GTF2H4: variants seen among roughly 807,000 people sequenced by gnomAD.
The protein encoded by GTF2H4 is general transcription factor IIH subunit 4.
Under a neutral mutation model 62.2 loss-of-function variants are expected in GTF2H4, and 49 were observed. That is an observed-to-expected ratio of 0.79 (90% CI 0.63 to 1.00). The LOEUF is 1.00. Ranked by LOEUF, GTF2H4 falls within the 50% of genes least tolerant of loss-of-function variation. The pLI is 0.00. For synonymous variants in GTF2H4, 189 were observed against 233.8 expected (o/e 0.81, Z 1.75); for missense variants, 479 against 587.8 (o/e 0.81, Z 1.91).
rs746814066 is a variant in GTF2H4, at chr6:30,910,717, C to T, written c.427C>T (p.Arg143Trp). 11 of 1,612,826 alleles carry T rather than the reference C, an allele frequency of 6.8e-6. No homozygotes were observed. In the African/African-American group the frequency reaches 1.1e-4, roughly 16 times the overall value. The change falls in exon 5 of 14, where the codon CGG becomes TGG. Residue 143 changes from arginine to tryptophan, a missense_variant. By Grantham distance (101) the Arg-to-Trp change is moderately radical. Coordinates refer to ENST00000259895, the MANE Select transcript of GTF2H4 (RefSeq NM_001517.5). This position sits in a 1 kb window ranked among gnomAD's most constrained non-coding sequence, Gnocchi z 4.7. ...TSQLGPDKHA[R>W]DVPSLDKYAE... Reference sequence around the variant, plus strand: ...TCAGCTGGGACCAGACAAGCATGCCCGGGACGTTCCCTCCCTTGACAAGTA... The same window carrying T: ...TCAGCTGGGACCAGACAAGCATGCCTGGGACGTTCCCTCCCTTGACAAGTA...
chr6:30,908,919 C>A, intron 1 of GTF2H4, 115 bp from the exon 2 acceptor site: 1 of 1,177,502 alleles, frequency 8.5e-7, no homozygotes, highest in Non-Finnish European at 1.3e-6. Context: ...GGAAAGGAGA[C>A]CACAGAAAAG....
Position 30,911,873 on chromosome 6 carries a change from C to A in GTF2H4, c.825+106C>A. On this transcript the variant is annotated intron_variant, in intron 9 of 13. Coordinates refer to ENST00000259895, the MANE Select transcript of GTF2H4 (RefSeq NM_001517.5). The surrounding 1 kb of genome is among the most constrained non-coding windows in gnomAD (Gnocchi z 4.3). ...TGGGGCAGTAGCAGGAAGCAGTTGC[C>A]AGAACTGAATACTTGGGTCTCTCGG... 1 of 1,406,430 alleles carries A rather than the reference C, an allele frequency of 7.1e-7. No homozygotes were observed. The highest frequency in any genetic ancestry group is 1.2e-5 in the South Asian group (1 of 85,742). 87.1% of individuals were successfully genotyped at this position (1,406,430 alleles called of 1,614,324 possible). A position where few individuals can be genotyped will look rare whatever the true frequency, so the allele number is the denominator to read the frequency against.
rs374908109 is a variant in GTF2H4, at chr6:30,911,175, C to T, written c.578C>T (p.Pro193Leu). Residue 193 changes from proline (P) to leucine (L), a missense_variant, in exon 7 of 14, where the codon CCG (proline) becomes CTG (leucine). Coordinates refer to ENST00000259895, the MANE Select transcript of GTF2H4 (RefSeq NM_001517.5). The surrounding 1 kb of genome is among the most constrained non-coding windows in gnomAD (Gnocchi z 4.3). ...GLMKSTEPGE[P>L]PCITSAGFQF... is the part of the protein sequence containing the mutation. ...GTCTCTAGTACTGAACCTGGAGAGCCGCCCTGCATTACTTCCGCTGGCTTC... is the reference window on the plus strand; with the variant it reads ...GTCTCTAGTACTGAACCTGGAGAGCTGCCCTGCATTACTTCCGCTGGCTTC... The T allele has an allele frequency of 1.0e-4, 166 of 1,613,110 alleles. No individual in the cohort carries two copies. The highest frequency in any genetic ancestry group is 1.4e-4 in the Non-Finnish European group (165 of 1,179,706).
rs3218825 is a variant in GTF2H4, at chr6:30,913,254, C to T, written c.1138-55C>T. 40,430 of 1,612,148 alleles carry T rather than the reference C, an allele frequency of 0.025. 955 individuals are homozygous for T. Among genetic ancestry groups the T allele is most frequent in the African/African-American group, 0.099 (7,417 of 74,940 alleles). On this transcript the variant is annotated intron_variant, in intron 12 of 13. Coordinates refer to ENST00000259895, the MANE Select transcript of GTF2H4 (RefSeq NM_001517.5). The surrounding 1 kb of genome is among the most constrained non-coding windows in gnomAD (Gnocchi z 4.2). ...CAAATCTGGGGAAGAAACAGAGGGC[C>T]GGGTTGTCTGGGGCAGTATTCTGAG...
rs1168012721 is a variant in GTF2H4 at position 30,912,376 on chromosome 6, A to G, written c.1007A>G (p.Tyr336Cys). Residue 336 changes from tyrosine (Y) to cysteine (C), a missense_variant, in exon 11 of 14, where the codon TAT (tyrosine) becomes TGT (cysteine). By Grantham distance (194) the Tyr-to-Cys change is radical (BLOSUM62 -2). Transcript: ENST00000259895. The surrounding 1 kb of genome is among the most constrained non-coding windows in gnomAD (Gnocchi z 4.8). ...ALIALFSEML[Y>C]RFPNMVVAQV... ...ATTGCCCTCTTCTCTGAGATGCTCT[A>G]TCGGTTCCCCAACATGGTGGTGGCG... The G allele has an allele frequency of 1.9e-6, 3 of 1,613,006 alleles. No individual in the cohort carries two copies. The highest frequency in any genetic ancestry group is 1.7e-5 in the Admixed American group (1 of 60,020).
chr6:30,912,278 A>G lies in GTF2H4; in HGVS notation c.959-50A>G, dbSNP rs780086262. 3.4e-5 allele frequency: 55 copies of G among 1,608,498 alleles called. 1 individual carries two copies. In the South Asian group the frequency reaches 5.8e-4, roughly 17 times the overall value. On this transcript the variant is annotated intron_variant, in intron 10 of 13. Transcript: ENST00000259895. The surrounding 1 kb of genome is among the most constrained non-coding windows in gnomAD (Gnocchi z 4.8). ...GACACTTGAAAGAAGGGCTTGAGGG[A>G]GTCTGGGTGTGGGGGTGGCCTCCTC...
chr6:30,912,540 A>G lies in GTF2H4; in HGVS notation c.1089+82A>G, dbSNP rs1793822397. The G allele has an allele frequency of 9.1e-6, 14 of 1,546,758 alleles. No homozygotes were observed. The highest frequency in any genetic ancestry group is 1.4e-5 in the African/African-American group (1 of 73,808). On this transcript the variant is annotated intron_variant, in intron 11 of 13. Transcript: ENST00000259895. The surrounding 1 kb of genome is among the most constrained non-coding windows in gnomAD (Gnocchi z 4.8). ...GACAGGGGTCACATTATGGAAGGCT[A>G]GCTCTGAGTCTGTTATAATAGGTGG...
In GTF2H4 at chr6:30,909,824, A is replaced by G; in HGVS notation, c.243-108A>G. ...GGAAGATACTAATTTCACTCTGTGG[A>G]ACAGTGTTCCAAGGGTCAGCAAGTT... On this transcript the variant is annotated intron_variant, in intron 3 of 13. Transcript: ENST00000259895. This position sits in a 1 kb window ranked among gnomAD's most constrained non-coding sequence, Gnocchi z 4.3. The G allele has an allele frequency of 9.4e-7, 1 of 1,068,698 alleles. No individual in the cohort carries two copies. The highest frequency in any genetic ancestry group is 1.4e-6 in the Non-Finnish European group (1 of 726,518). The allele number at this position is 1,068,698 out of a possible 1,614,324, so 66.2% of individuals were successfully genotyped here.
chr6:30,911,124 A>G lies in GTF2H4; in HGVS notation c.561-34A>G, dbSNP rs1371036289. 6.6e-7 allele frequency: 1 copy of G among 1,508,100 alleles called. No homozygotes were observed. Among genetic ancestry groups the G allele is most frequent in the Non-Finnish European group, 9.2e-7 (1 of 1,084,434 alleles). The allele number at this position is 1,508,100 out of a possible 1,614,324, so 93.4% of individuals were successfully genotyped here. ...AGTGGGGATAGTAGTCTTTCTCTGC[A>G]TATCACCATCATTGTCCTGGTCTTT... On this transcript the variant is annotated intron_variant, in intron 6 of 13. Coordinates refer to ENST00000259895, the MANE Select transcript of GTF2H4 (RefSeq NM_001517.5). The surrounding 1 kb of genome is among the most constrained non-coding windows in gnomAD (Gnocchi z 4.3).
At position 30,911,805 on chromosome 6, in the gene GTF2H4, CAG is replaced by C. The variant is rs769691566; in HGVS notation, c.825+39_825+40del. ...AGATAAGTGGCTTCCAGGGAAGAAA[CAG>C]GGTGGTGTGTTGCCTTTGCCTTTAA... On this transcript the variant is annotated intron_variant, in intron 9 of 13. Coordinates refer to ENST00000259895, the MANE Select transcript of GTF2H4 (RefSeq NM_001517.5). The surrounding 1 kb of genome is among the most constrained non-coding windows in gnomAD (Gnocchi z 4.3). 1 of 1,564,870 alleles carries C rather than the reference CAG, an allele frequency of 6.4e-7. No individual in the cohort carries two copies. Among genetic ancestry groups the C allele is most frequent in the Non-Finnish European group, 8.8e-7 (1 of 1,136,552 alleles).
chr6:30,912,113 G>A lies in GTF2H4; in HGVS notation c.925G>A (p.Val309Met), dbSNP rs760294963. The part of the protein sequence containing the change: ...GTVHQPGFIV[V>M]ETNYRLYAYT... The stretch of plus-strand genomic sequence containing the variant: ...TGTGCATCAGCCAGGTTTCATTGTC[G>A]TGGAAACCAATTACCGACTGTATGC... The change falls in exon 10 of 14, where the codon GTG (valine) becomes ATG (methionine). Residue 309 changes from valine to methionine, a missense_variant. Val to Met is a conservative substitution (Grantham distance 21). Transcript: ENST00000259895. This position sits in a 1 kb window ranked among gnomAD's most constrained non-coding sequence, Gnocchi z 4.8. The A allele has an allele frequency of 1.1e-5, 17 of 1,612,800 alleles. No homozygotes were observed. Among genetic ancestry groups the A allele is most frequent in the Middle Eastern group, 1.6e-4 (1 of 6,076 alleles).
chr6:30,913,992 G>T lies in GTF2H4; in HGVS notation c.*9G>T, dbSNP rs753582114. 8.2e-5 allele frequency: 128 copies of T among 1,563,320 alleles called. No individual in the cohort carries two copies. The highest frequency in any genetic ancestry group is 1.1e-4 in the Non-Finnish European group (125 of 1,147,818). On this transcript the variant is annotated 3_prime_UTR_variant, in exon 14 of 14. Coordinates refer to ENST00000259895, the MANE Select transcript of GTF2H4 (RefSeq NM_001517.5). This position sits in a 1 kb window ranked among gnomAD's most constrained non-coding sequence, Gnocchi z 4.2. ...AGAAACATAGCTCCTGAGAGCGCGG[G>T]ACTTGGACACGGACCTCGGCGGGCG...
chr6:30,913,972 C>G lies in GTF2H4; in HGVS notation c.1378C>G (p.His460Asp), dbSNP rs1038587217. 41 of 1,591,712 alleles carry G rather than the reference C, an allele frequency of 2.6e-5. No individual in the cohort carries two copies. The highest frequency in any genetic ancestry group is 3.4e-5 in the Non-Finnish European group (40 of 1,168,708). The stretch of plus-strand genomic sequence containing the variant: ...CAAGCGCTTTTGGAAGCGGCAGAAA[C>G]ATAGCTCCTGAGAGCGCGGGACTTG... ...DVKRFWKRQKHSS is the reference protein window; with the variant it reads ...DVKRFWKRQKDSS Residue 460 changes from histidine (H) to aspartate (D), a missense_variant, in exon 14 of 14, where the codon CAT (histidine) becomes GAT (aspartate). Coordinates refer to ENST00000259895, the MANE Select transcript of GTF2H4 (RefSeq NM_001517.5). The surrounding 1 kb of genome is among the most constrained non-coding windows in gnomAD (Gnocchi z 4.2).
rs747471408 is a variant in GTF2H4 at position 30,910,027 on chromosome 6, T to A, written c.338T>A (p.Ile113Asn). The part of the protein sequence containing the change: ...GGLQGLILNP[I>N]FRQNLRIALL... ...CTCCAGGGCCTCATCCTCAACCCCATTTTCCGCCAGAACCTCCGCATTGCC... is the reference window on the plus strand; with the variant it reads ...CTCCAGGGCCTCATCCTCAACCCCAATTTCCGCCAGAACCTCCGCATTGCC... The change falls in exon 4 of 14, where the codon ATT (isoleucine) becomes AAT (asparagine). Residue 113 changes from isoleucine to asparagine, a missense_variant. Transcript: ENST00000259895. This position sits in a 1 kb window ranked among gnomAD's most constrained non-coding sequence, Gnocchi z 4.7. The A allele has an allele frequency of 4.3e-6, 7 of 1,612,770 alleles. No individual in the cohort carries two copies. The highest frequency in any genetic ancestry group is 5.9e-6 in the Non-Finnish European group (7 of 1,179,972).
chr6:30,913,662 C>A lies in GTF2H4; in HGVS notation c.1217-149C>A, dbSNP rs1398962216. 4 of 749,470 alleles carry A rather than the reference C, an allele frequency of 5.3e-6. No homozygotes were observed. Among genetic ancestry groups the A allele is most frequent in the Non-Finnish European group, 6.4e-6 (3 of 470,034 alleles). 46.4% of individuals were successfully genotyped at this position (749,470 alleles called of 1,614,324 possible). On this transcript the variant is annotated intron_variant, in intron 13 of 13. Transcript: ENST00000259895. This position sits in a 1 kb window ranked among gnomAD's most constrained non-coding sequence, Gnocchi z 4.2. ...TAAGATGAACCCCTGAGCAGACAAG[C>A]ATAGAGAATTAGTTTGTAAAATTGC...
At position 30,909,810 on chromosome 6, in the gene GTF2H4, AT is replaced by A; in HGVS notation, c.243-119del. ...AAGAATTTGTCTTAGGAAGATACTA[AT>A]TTCACTCTGTGGAACAGTGTTCCAA... On this transcript the variant is annotated intron_variant, in intron 3 of 13. Transcript: ENST00000259895. The surrounding 1 kb of genome is among the most constrained non-coding windows in gnomAD (Gnocchi z 4.3). 3.2e-6 allele frequency: 3 copies of A among 946,400 alleles called. No individual in the cohort carries two copies. Among genetic ancestry groups the A allele is most frequent in the Non-Finnish European group, 4.8e-6 (3 of 619,576 alleles). The allele number at this position is 946,400 out of a possible 1,614,324, so 58.6% of individuals were successfully genotyped here. A position where few individuals can be genotyped will look rare whatever the true frequency, so the allele number is the denominator to read the frequency against.
In GTF2H4 at chr6:30,912,348, C is replaced by T; in HGVS notation, c.979C>T (p.Leu327Phe). The T allele has an allele frequency of 6.2e-7, 1 of 1,613,002 alleles. No individual in the cohort carries two copies. The highest frequency in any genetic ancestry group is 8.5e-7 in the Non-Finnish European group (1 of 1,180,026). ...CTCAGAGTCGGAGCTGCAGATTGCCCTCATTGCCCTCTTCTCTGAGATGCT... is the reference window on the plus strand; with the variant it reads ...CTCAGAGTCGGAGCTGCAGATTGCCTTCATTGCCCTCTTCTCTGAGATGCT... Reference protein sequence around the residue: ...AYTESELQIALIALFSEMLYR... With the variant: ...AYTESELQIAFIALFSEMLYR... Residue 327 changes from leucine (L) to phenylalanine (F), a missense_variant, in exon 11 of 14, where the codon CTC becomes TTC. By Grantham distance (22) the Leu-to-Phe change is conservative. Transcript: ENST00000259895. The surrounding 1 kb of genome is among the most constrained non-coding windows in gnomAD (Gnocchi z 4.8).
chr6:30,911,027 G>A lies in GTF2H4; in HGVS notation c.560+86G>A. 1 of 1,359,522 alleles carries A rather than the reference G, an allele frequency of 7.4e-7. No individual in the cohort carries two copies. The highest frequency in any genetic ancestry group is 1.0e-6 in the Non-Finnish European group (1 of 967,898). 84.2% of individuals were successfully genotyped at this position (1,359,522 alleles called of 1,614,324 possible). A position where few individuals can be genotyped will look rare whatever the true frequency, so the allele number is the denominator to read the frequency against. ...TGGTATCTGGGGCTAGTCAAGATCA[G>A]AGGACATTAGCTGGAAAAGGCAAGC... On this transcript the variant is annotated intron_variant, in intron 6 of 13. Transcript: ENST00000259895. This position sits in a 1 kb window ranked among gnomAD's most constrained non-coding sequence, Gnocchi z 4.3.
rs1441781069 is a variant in GTF2H4 at position 30,911,806 on chromosome 6, A to G, written c.825+39A>G. The G allele has an allele frequency of 4.5e-6, 7 of 1,563,598 alleles. No individual in the cohort carries two copies. Among genetic ancestry groups the G allele is most frequent in the African/African-American group, 1.4e-5 (1 of 73,930 alleles). ...GATAAGTGGCTTCCAGGGAAGAAAC[A>G]GGGTGGTGTGTTGCCTTTGCCTTTA... On this transcript the variant is annotated intron_variant, in intron 9 of 13. Coordinates refer to ENST00000259895, the MANE Select transcript of GTF2H4 (RefSeq NM_001517.5). This position sits in a 1 kb window ranked among gnomAD's most constrained non-coding sequence, Gnocchi z 4.3.
Sources: allele counts gnomAD v4.1 joint callset, GRCh38; gene constraint gnomAD v4.1.1; non-coding constraint Gnocchi (gnomAD v3.1); transcripts MANE v1.5; gene names NCBI Gene and HGNC (gene_info 2026-07-23, HGNC 2026-07-21).